Variants in NME7 observed in about 807,000 individuals in gnomAD.
The protein encoded by NME7 is nucleoside diphosphate kinase 7.
A neutral mutation model predicts 49.1 loss-of-function variants in NME7; 41 were observed. That is an observed-to-expected ratio of 0.83 (90% confidence interval 0.65 to 1.08). The LOEUF is 1.08. Among genes scored for constraint, NME7 ranks in the 50% least tolerant of loss-of-function variants. The probability of loss-of-function intolerance (pLI) is 0.00; values close to 1 mark genes in which losing one functional copy is unlikely to be tolerated. For missense variants in NME7, 423 were observed against 463.4 expected (o/e 0.91, Z 0.80); for synonymous variants, 139 against 150.6 (o/e 0.92, Z 0.56).
At chr1:169,230,633 TAAAG>T (rs1206806188) in intron 10 of NME7, 81 bp downstream of exon 10, 13 of 704,218 alleles carry the variant, frequency 1.8e-5, no homozygotes, top group Non-Finnish European at 2.2e-5. Context: ...ATTATTTACT[TAAAG>T]GAACAAACGA....
rs1283418561 is a variant in NME7 at position 169,324,280 on chromosome 1, A to G, written c.111+113T>C. 10 of 602,110 alleles carry G rather than the reference A, an allele frequency of 1.7e-5. No individual in the cohort carries two copies. The East Asian group carries it at 2.5e-4, about 15-fold the overall frequency. The allele number at this position is 602,110 out of a possible 1,614,324, so 37.3% of individuals were successfully genotyped here. The stretch of plus-strand genomic sequence containing the variant: ...GTTTAAAAAGAATTTCCATATGTAT[A>G]TATACACACACACATACATATAAAT... On this transcript the variant is annotated intron_variant, in intron 2 of 11. Coordinates refer to ENST00000367811, the MANE Select transcript of NME7 (RefSeq NM_013330.5).
intron 5 of NME7, among the ~76,000 whole-genome samples, chr1:169,301,556 C>T (rs1226320197): frequency 6.6e-6 from 1 of 152,228 alleles, no homozygotes; most frequent in East Asian, 1.9e-4. Flanking sequence ...TTTAACCTAG[C>T]AATTCCATTA....
At chr1:169,232,669 T>G (rs1647683879) in intron 9 of NME7, among the ~76,000 whole-genome samples, 1 of 151,794 alleles carries the variant, frequency 6.6e-6, no homozygotes, top group East Asian at 1.9e-4. Flanking sequence ...GGAAAATATT[T>G]TTCAAAAATG....
chr1:169,289,266 G>A (rs1650401362), intron 6 of NME7, among the ~76,000 whole-genome samples: 1 of 152,052 alleles, frequency 6.6e-6, no homozygotes, highest in African/African-American at 2.4e-5. Flanking sequence ...CTCCCTCTCA[G>A]TCTCCTTCGA....
chr1:169,237,129 C>T (rs1054397937), intron 8 of NME7, among the ~76,000 whole-genome samples: 1 of 151,874 alleles, frequency 6.6e-6, no homozygotes, highest in African/African-American at 2.4e-5. Flanking sequence ...GGTACAAGTG[C>T]CAACAGAGTT....
chr1:169,232,338 A>G (rs1647657804), intron 9 of NME7, among the ~76,000 whole-genome samples: 1 of 151,568 alleles, frequency 6.6e-6, no homozygotes, highest in Admixed American at 6.6e-5. Flanking sequence ...GCTGTCTATT[A>G]TATGTGTAAT....
rs1438656555 is a variant in NME7, at chr1:169,360,730, G to A, written c.3+6978C>T. Among the ~76,000 whole-genome samples, 9 of 151,770 alleles carry A rather than the reference G, an allele frequency of 5.9e-5. No individual in the cohort carries two copies. In the South Asian group the frequency reaches 1.5e-3, roughly 24 times the overall value. ...TAAAAGTCACATCCTCATGAGGACC[G>A]TCCCTGATTGTCCTACTCAAGGCTA... On this transcript the variant is annotated intron_variant, in intron 1 of 11. Transcript: ENST00000367811.
At chr1:169,204,734 T>C (rs1209406827) in intron 10 of NME7, among the ~76,000 whole-genome samples, 3 of 152,112 alleles carry the variant, frequency 2.0e-5, no homozygotes, top group Non-Finnish European at 4.4e-5. Flanking sequence ...GTCTGTAAAC[T>C]TATCTTTTCT....
At chr1:169,247,739 T>G (rs754816340) in intron 7 of NME7, among the ~76,000 whole-genome samples, 7 of 152,210 alleles carry the variant, frequency 4.6e-5, no homozygotes, top group Non-Finnish European at 8.8e-5. Flanking sequence ...ATACGGTTTT[T>G]GGTTTTTCCA....
intron 10 of NME7, among the ~76,000 whole-genome samples, chr1:169,218,296 T>G (rs1661031359): frequency 6.6e-6 from 1 of 152,040 alleles, no homozygotes; most frequent in Non-Finnish European, 1.5e-5. Context: ...TTTTCCTGCT[T>G]GAAAAGAACT....
intron 11 of NME7, among the ~76,000 whole-genome samples, chr1:169,138,987 G>A (rs560730829): frequency 1.3e-5 from 2 of 152,062 alleles, no homozygotes; most frequent in African/African-American, 2.4e-5. Context: ...CTTTTGCCTC[G>A]AAGATGGTTT....
At chr1:169,142,680 A>T (rs1419322) in intron 11 of NME7, among the ~76,000 whole-genome samples, 67,376 of 152,010 alleles carry the variant, frequency 0.44, 15,390 homozygotes, top group East Asian at 0.79. Flanking sequence ...TGGGCAACAC[A>T]TTCCTCAATG....
At chr1:169,200,118 G>A (rs1037775964) in intron 10 of NME7, among the ~76,000 whole-genome samples, 1 of 151,128 alleles carries the variant, frequency 6.6e-6, no homozygotes, top group Admixed American at 6.6e-5. Flanking sequence ...TCTTCAAGGG[G>A]CTTATGGTCT....
chr1:169,150,182 T>C (rs1571244590), intron 11 of NME7, among the ~76,000 whole-genome samples: 1 of 152,094 alleles, frequency 6.6e-6, no homozygotes, highest in African/African-American at 2.4e-5. Flanking sequence ...TAGTTTACAA[T>C]ATGTATATAT....
chr1:169,258,393 TATATATATATATAC>T lies in NME7; in HGVS notation c.755-20720_755-20707del, dbSNP rs1454658491. On this transcript the variant is annotated intron_variant, in intron 7 of 11. Transcript: ENST00000367811. The stretch of plus-strand genomic sequence containing the variant: ...AATAAAACATATATATATATATATA[TATATATATATATAC>T]ACACACACACACACACATACACACA... Among the ~76,000 whole-genome samples, 26 of 86,244 alleles carry T rather than the reference TATATATATATATAC, an allele frequency of 3.0e-4. 3 individuals are homozygous for T. Among genetic ancestry groups the T allele is most frequent in the African/African-American group, 8.4e-4 (19 of 22,628 alleles). The allele number at this position is 86,244 out of a possible 152,430, so 56.6% of individuals were successfully genotyped here.
intron 10 of NME7, among the ~76,000 whole-genome samples, chr1:169,177,423 T>TA (rs1370125984): frequency 2.6e-5 from 4 of 152,122 alleles, no homozygotes; most frequent in African/African-American, 9.7e-5. Context: ...GAATAAGCTT[T>TA]AAAAAAACAT....
intron 11 of NME7, among the ~76,000 whole-genome samples, chr1:169,135,181 A>G (rs1158953420): frequency 6.6e-6 from 1 of 151,962 alleles, no homozygotes; most frequent in African/African-American, 2.4e-5. Context: ...CTTGAAAAAC[A>G]AAAACAAAAA....
intron 11 of NME7, among the ~76,000 whole-genome samples, chr1:169,154,894 G>T (rs1447130932): frequency 1.3e-5 from 2 of 151,540 alleles, no homozygotes; most frequent in African/African-American, 4.8e-5. Context: ...AAGTGTTAAA[G>T]AATACTCTAT....
In NME7 at chr1:169,230,826, T is replaced by C; in HGVS notation, c.889-7A>G. The C allele has an allele frequency of 6.5e-7, 1 of 1,535,496 alleles. No homozygotes were observed. Among genetic ancestry groups the C allele is most frequent in the Non-Finnish European group, 8.8e-7 (1 of 1,132,346 alleles). ...ACATTTCTGTCACCATGTCCTATGA[T>C]ATGTAATATAAAAGAATGAAAAGAA... is the stretch of plus-strand genomic sequence containing the variant. On this transcript the variant is annotated splice_polypyrimidine_tract_variant and splice_region_variant and intron_variant, in intron 9 of 11. Coordinates refer to ENST00000367811, the MANE Select transcript of NME7 (RefSeq NM_013330.5).
Sources: gnomAD v4.1 joint callset for allele counts (sites outside exome capture counted in the v4.1 genomes callset) on GRCh38, gnomAD v4.1.1 for gene constraint, MANE v1.5 for transcripts, NCBI Gene and HGNC (gene_info 2026-07-23, HGNC 2026-07-21) for gene names.